BRCA1: variants seen among roughly 807,000 people sequenced by gnomAD.
BRCA1 encodes breast cancer type 1 susceptibility protein.
A neutral mutation model predicts 173.7 loss-of-function variants in BRCA1; 140 were observed. That is an observed-to-expected ratio of 0.81 (90% CI 0.70 to 0.93). BRCA1 has a LOEUF of 0.93. BRCA1 is among the 40% of genes least tolerant of loss of function. The pLI is 0.00. For missense variants in BRCA1, 1,983 were observed against 2,172.5 expected (o/e 0.91, Z 1.73); for synonymous variants, 662 against 756.0 (o/e 0.88, Z 2.04).
Position 43,074,355 on chromosome 17 carries a change from A to G in BRCA1, c.4651T>C (p.Ser1551Pro). 1 of 1,614,060 alleles carries G rather than the reference A, an allele frequency of 6.2e-7. No individual in the cohort carries two copies. Reference sequence around the variant, plus strand: ...CCTAGATCTTGCCTTGGCAAGTAAGATGTTTCCGTCAAATCGTGTGGCCCA... The same window carrying G: ...CCTAGATCTTGCCTTGGCAAGTAAGGTGTTTCCGTCAAATCGTGTGGCCCA... ...ESGPHDLTET[S>P]YLPRQDLEGT... The change falls in exon 14 of 23, where the codon TCT (serine) becomes CCT (proline). Residue 1551 changes from serine (S) to proline (P), a missense_variant. Physicochemically the swap from Ser to Pro is moderately conservative, Grantham distance 74 (BLOSUM62 -1). Coordinates refer to ENST00000357654, the MANE Select transcript of BRCA1 (RefSeq NM_007294.4).
chr17:43,075,257 C>A (rs2052659495), intron 13 of BRCA1, among the ~76,000 whole-genome samples: 1 of 152,176 alleles, frequency 6.6e-6, no homozygotes. Context: ...TACACTCATT[C>A]TTTCTACTCA....
intron 6 of BRCA1, among the ~76,000 whole-genome samples, chr17:43,100,657 CATATATATATATATATATATAAT>C (rs1272086702): frequency 2.5e-4 from 4 of 16,132 alleles, no homozygotes; most frequent in African/African-American, 1.1e-3. Flanking sequence ...ATATATATAA[CATATATATATATATATATATAAT>C]ATATATATAT....
In BRCA1 at chr17:43,092,709, T is replaced by G. The variant is rs776512377; in HGVS notation, c.2822A>C (p.Asn941Thr). Residue 941 changes from asparagine (N) to threonine (T), a missense_variant, in exon 10 of 23, where the codon AAT becomes ACT. Transcript: ENST00000357654. ...VVGQKDKPVD[N>T]AKCSIKGGSR... ...GCCTCCTTTGATACTACATTTGGCATTATCAACTGGCTTATCTTTCTGACC... is the reference window on the plus strand; with the variant it reads ...GCCTCCTTTGATACTACATTTGGCAGTATCAACTGGCTTATCTTTCTGACC... The G allele has an allele frequency of 1.2e-6, 2 of 1,614,046 alleles. No individual in the cohort carries two copies. Among genetic ancestry groups the G allele is most frequent in the Non-Finnish European group, 1.7e-6 (2 of 1,180,020 alleles).
At chr17:43,148,693 C>A in intron 1 of BRCA1, 1 of 157,436 alleles carries the variant, frequency 6.4e-6, no homozygotes, top group South Asian at 1.9e-4. Flanking sequence ...ATGTGCAGGT[C>A]ACAGGGTTAT....
rs150105864 is a variant in BRCA1 at position 43,064,906 on chromosome 17, C to T, written c.5075-955G>A. On this transcript the variant is annotated intron_variant, in intron 16 of 22. Transcript: ENST00000357654. Reference sequence around the variant, plus strand: ...AGTGCAGTGGCTGGATCTCAGCTCACGGCAAGCTCTGCCTCCTGGGTTCAT... The same window carrying T: ...AGTGCAGTGGCTGGATCTCAGCTCATGGCAAGCTCTGCCTCCTGGGTTCAT... 7.1e-4 allele frequency among the ~76,000 whole-genome samples: 106 copies of T among 149,664 alleles called. No individual in the cohort carries two copies. The Middle Eastern group carries it at 0.014, about 20-fold the overall frequency.
At position 43,106,466 on chromosome 17, in the gene BRCA1, T is replaced by C. The variant is rs1555597195; in HGVS notation, c.202A>G (p.Ile68Val). Reference protein sequence around the residue: ...PSQCPLCKNDITKRSLQESTR... With the variant: ...PSQCPLCKNDVTKRSLQESTR... ...TACCAAATTATATACCTTTTGGTTA[T>C]ATCATTCTTACATAAAGGACACTGT... The change falls in exon 4 of 23, where the codon ATA (isoleucine) becomes GTA (valine). Residue 68 changes from isoleucine to valine, a missense_variant. By Grantham distance (29) the Ile-to-Val change is conservative. Transcript: ENST00000357654. The C allele has an allele frequency of 2.5e-6, 4 of 1,595,202 alleles. No homozygotes were observed. The highest frequency in any genetic ancestry group is 3.4e-6 in the Non-Finnish European group (4 of 1,164,260).
intron 1 of BRCA1, among the ~76,000 whole-genome samples, chr17:43,152,651 G>A (rs1014535910): frequency 1.3e-5 from 2 of 152,038 alleles, no homozygotes; most frequent in Non-Finnish European, 2.9e-5. Context: ...TTAGGAGATC[G>A]AGACCATCCT....
intron 1 of BRCA1, chr17:43,170,087 G>C: frequency 2.8e-6 from 1 of 358,916 alleles, no homozygotes; most frequent in South Asian, 2.2e-5. Context: ...TAGCGCGGGC[G>C]AGTGTGGGGC....
chr17:43,066,060 A>G (rs984488610), intron 16 of BRCA1, among the ~76,000 whole-genome samples: 11 of 152,200 alleles, frequency 7.2e-5, no homozygotes, highest in Admixed American at 7.2e-4. Context: ...CAATCACTCC[A>G]TTGGAGAATA....
intron 19 of BRCA1, among the ~76,000 whole-genome samples, chr17:43,054,110 A>G (rs2051362582): frequency 6.6e-6 from 1 of 152,220 alleles, no homozygotes; most frequent in South Asian, 2.1e-4. Context: ...TTCTGCATGG[A>G]GGAAAAAATC....
rs1413852554 is a variant in BRCA1, at chr17:43,045,538, T to G, written c.*140A>C. 1.6e-5 allele frequency: 22 copies of G among 1,341,490 alleles called. No individual in the cohort carries two copies. In the East Asian group the frequency reaches 5.5e-4, roughly 33 times the overall value. 83.1% of individuals were successfully genotyped at this position (1,341,490 alleles called of 1,614,324 possible). A position where few individuals can be genotyped will look rare whatever the true frequency, so the allele number is the denominator to read the frequency against. ...ACCCTTGCATAGCCAGAAGTCCTTT[T>G]CAGGCTGATGTACATAAAATATTTA... is the stretch of plus-strand genomic sequence containing the variant. On this transcript the variant is annotated 3_prime_UTR_variant, in exon 23 of 23. Coordinates refer to ENST00000357654, the MANE Select transcript of BRCA1 (RefSeq NM_007294.4).
chr17:43,075,464 ATTAAT>A (rs1221585819), intron 13 of BRCA1, among the ~76,000 whole-genome samples: 1 of 152,228 alleles, frequency 6.6e-6, no homozygotes, highest in Admixed American at 6.5e-5. Context: ...TCAGAGGTTA[ATTAAT>A]TTAAACAATT....
intron 5 of BRCA1, 102 bp from the exon 6 acceptor site, chr17:43,104,363 T>C (rs2054648413): frequency 3.1e-6 from 4 of 1,276,104 alleles, no homozygotes; most frequent in Non-Finnish European, 4.4e-6. Flanking sequence ...CTTTGTTGTG[T>C]TAAGACAATG....
intron 13 of BRCA1, 116 bp from the exon 14 acceptor site, chr17:43,074,637 A>G: frequency 2.0e-6 from 2 of 1,004,242 alleles, no homozygotes; most frequent in Non-Finnish European, 3.0e-6. Flanking sequence ...ATCAGAAATG[A>G]CTGGCAAAAA....
intron 18 of BRCA1, among the ~76,000 whole-genome samples, chr17:43,060,693 G>C (rs980910708): frequency 1.3e-5 from 2 of 151,656 alleles, no homozygotes; most frequent in Non-Finnish European, 2.9e-5. Context: ...TTTTAGTAGA[G>C]ATGGGGTTTC....
At chr17:43,060,209 G>T (rs991752245) in intron 18 of BRCA1, among the ~76,000 whole-genome samples, 4 of 152,102 alleles carry the variant, frequency 2.6e-5, no homozygotes, top group Non-Finnish European at 5.9e-5. Context: ...GTGTAGCTGG[G>T]ATTAGAGGCA....
rs80357160 is a variant in BRCA1, at chr17:43,091,734, C to G, written c.3797G>C (p.Ser1266Thr). ...TEENLLSLKN[S>T]LNDCSNQVIL... is the part of the protein sequence containing the mutation. ...TACCTGGTTACTGCAGTCATTTAAGCTATTCTTCAATGATAATAAATTCTC... is the reference window on the plus strand; with the variant it reads ...TACCTGGTTACTGCAGTCATTTAAGGTATTCTTCAATGATAATAAATTCTC... Residue 1266 changes from serine (S) to threonine (T), a missense_variant, in exon 10 of 23, where the codon AGC (serine) becomes ACC (threonine). Ser to Thr is a moderately conservative substitution (Grantham distance 58). Transcript: ENST00000357654. 6 of 1,614,066 alleles carry G rather than the reference C, an allele frequency of 3.7e-6. No individual in the cohort carries two copies. Among genetic ancestry groups the G allele is most frequent in the Non-Finnish European group, 4.2e-6 (5 of 1,180,034 alleles).
chr17:43,077,649 T>C (rs1567780505), intron 12 of BRCA1, among the ~76,000 whole-genome samples: 2 of 151,000 alleles, frequency 1.3e-5, no homozygotes, highest in African/African-American at 4.9e-5. Context: ...CATTTTGTAA[T>C]ATATTTACTC....
chr17:43,063,258 G>A, intron 18 of BRCA1, 75 bp downstream of exon 18: 1 of 1,261,260 alleles, frequency 7.9e-7, no homozygotes, highest in Non-Finnish European at 1.2e-6. Context: ...GTGCATTGAT[G>A]GAAGGAAGCA....
Sources: allele counts gnomAD v4.1 joint callset (sites outside exome capture counted in the v4.1 genomes callset), GRCh38; gene constraint gnomAD v4.1.1; transcripts MANE v1.5; gene names NCBI Gene and HGNC (gene_info 2026-07-23, HGNC 2026-07-21).